Variants in NECAB2 observed in about 807,000 individuals in gnomAD.
NECAB2 encodes the protein N-terminal EF-hand calcium-binding protein 2.
Under a neutral mutation model 51.9 loss-of-function variants are expected in NECAB2, and 68 were observed. The observed-to-expected ratio is 1.31, with a 90% CI of 1.08 to 1.60. NECAB2 has a LOEUF of 1.60. Among genes scored for constraint, NECAB2 ranks in the 40% most tolerant of loss-of-function variants. The probability of loss-of-function intolerance (pLI) is 0.00; values close to 1 mark genes in which losing one functional copy is unlikely to be tolerated. For synonymous variants in NECAB2, 329 were observed against 203.5 expected, an observed-to-expected ratio of 1.62 and a Z score of -5.25; for missense variants, 854 against 490.3, an observed-to-expected ratio of 1.74 and a Z score of -7.00.
At chr16:84,002,184 G>A in intron 12 of NECAB2, 134 bp from the exon 13 acceptor site, 1 of 1,214,268 alleles carries the variant, frequency 8.2e-7, no homozygotes, top group Non-Finnish European at 1.2e-6. Context: ...TTGCACCTGG[G>A]TGACCAGCAA....
chr16:83,982,585 C>T (rs771094602), intron 5 of NECAB2, among the ~76,000 whole-genome samples: 1 of 152,148 alleles, frequency 6.6e-6, no homozygotes, highest in African/African-American at 2.4e-5. Context: ...CCTTGAGCCT[C>T]GGTTTTCTCA....
At chr16:83,994,520 C>G (rs970573158) in intron 7 of NECAB2, 89 bp from the exon 8 acceptor site, 3 of 1,595,110 alleles carry the variant, frequency 1.9e-6, no homozygotes, top group South Asian at 1.1e-5. Context: ...AAGTTTGATG[C>G]CCCTGGAGGG....
At chr16:83,999,823 A>ATGAGAGGACAAGT (rs1221722335) in intron 10 of NECAB2, among the ~76,000 whole-genome samples, 1 of 152,088 alleles carries the variant, frequency 6.6e-6, no homozygotes, top group East Asian at 1.9e-4. Flanking sequence ...CAAGGATTAA[A>ATGAGAGGACAAGT]TGAGAGGACA....
intron 5 of NECAB2, among the ~76,000 whole-genome samples, chr16:83,986,488 A>G (rs952247075): frequency 6.6e-6 from 1 of 152,188 alleles, no homozygotes; most frequent in Non-Finnish European, 1.5e-5. Flanking sequence ...TGCCCTGTGG[A>G]GAGTGCCAGA....
intron 2 of NECAB2, among the ~76,000 whole-genome samples, chr16:83,973,261 T>C (rs1181033866): frequency 6.6e-6 from 1 of 152,182 alleles, no homozygotes; most frequent in African/African-American, 2.4e-5. Context: ...GGGTGGCAGC[T>C]CTGGCCTGGG....
chr16:83,973,713 G>A (rs535929324), intron 2 of NECAB2, among the ~76,000 whole-genome samples: 5 of 152,160 alleles, frequency 3.3e-5, no homozygotes, highest in South Asian at 2.1e-4. Context: ...CCCTTGTCCC[G>A]GGCCTGATAC....
At chr16:83,993,002 G>C (rs2084645593) in intron 6 of NECAB2, among the ~76,000 whole-genome samples, 1 of 152,226 alleles carries the variant, frequency 6.6e-6, no homozygotes, top group Non-Finnish European at 1.5e-5. Context: ...CGCGTCAGCA[G>C]TTACACCCAC....
At position 83,968,627 on chromosome 16, in the gene NECAB2, C is replaced by T; in HGVS notation, c.-22C>T. On this transcript the variant is annotated 5_prime_UTR_variant, in exon 1 of 13. Coordinates refer to ENST00000305202, the MANE Select transcript of NECAB2 (RefSeq NM_019065.3). ...GGGCGGGGGTCGGCGGGCTTCCGGG[C>T]GGCGGCGGCGGGCGCGGCGCGATGT... 2.1e-6 allele frequency: 2 copies of T among 967,640 alleles called. No homozygotes were observed. The highest frequency in any genetic ancestry group is 2.4e-6 in the Non-Finnish European group (2 of 817,330). 59.9% of individuals were successfully genotyped at this position (967,640 alleles called of 1,614,324 possible). A position where few individuals can be genotyped will look rare whatever the true frequency, so the allele number is the denominator to read the frequency against.
chr16:83,968,926 C>T (rs2084319340), intron 1 of NECAB2, 77 bp downstream of exon 1: 1 of 940,998 alleles, frequency 1.1e-6, no homozygotes. Flanking sequence ...CGGGCGGACC[C>T]CGACGCCGCG....
chr16:83,990,952 C>G (rs1476646581), intron 6 of NECAB2, among the ~76,000 whole-genome samples: 2 of 152,134 alleles, frequency 1.3e-5, no homozygotes, highest in African/African-American at 4.8e-5. Context: ...TTATGCAGAA[C>G]TATTCTGTTG....
chr16:83,984,444 C>T (rs564155393), intron 5 of NECAB2, among the ~76,000 whole-genome samples: 54 of 152,032 alleles, frequency 3.6e-4, no homozygotes, highest in South Asian at 1.3e-3. Context: ...GATCTGCTGC[C>T]GCTCACGGTG....
chr16:83,998,021 C>A (rs796974158), intron 9 of NECAB2, among the ~76,000 whole-genome samples, 184 bp from the exon 10 acceptor site: 1 of 152,094 alleles, frequency 6.6e-6, no homozygotes, highest in Non-Finnish European at 1.5e-5. Flanking sequence ...GCACTGGGCT[C>A]TTGAGGTTCT....
At position 83,994,348 on chromosome 16, in the gene NECAB2, G is replaced by A. The variant is rs2084666485; in HGVS notation, c.643G>A (p.Gly215Arg). 6.2e-7 allele frequency: 1 copy of A among 1,614,076 alleles called. No individual in the cohort carries two copies. The highest frequency in any genetic ancestry group is 8.5e-7 in the Non-Finnish European group (1 of 1,180,046). The change falls in exon 7 of 13, where the codon GGA becomes AGA. Residue 215 changes from glycine (G) to arginine (R), a missense_variant. By Grantham distance (125) the Gly-to-Arg change is moderately radical (BLOSUM62 -2). Coordinates refer to ENST00000305202, the MANE Select transcript of NECAB2 (RefSeq NM_019065.3). ...PSHSAAQTWC[G>R]SPTPASAPNH... The stretch of plus-strand genomic sequence containing the variant: ...CCACAGCGCGGCACAGACCTGGTGT[G>A]GAAGCCCCACTCCCGCCTCTGCCCC...
intron 8 of NECAB2, among the ~76,000 whole-genome samples, chr16:83,995,098 A>C (rs1276321652): frequency 6.6e-6 from 1 of 152,256 alleles, no homozygotes; most frequent in Admixed American, 6.5e-5. Context: ...GAGAGTTTCA[A>C]AACAAGGAAG....
At chr16:83,973,555 C>T (rs902411806) in intron 2 of NECAB2, among the ~76,000 whole-genome samples, 7 of 152,130 alleles carry the variant, frequency 4.6e-5, no homozygotes, top group African/African-American at 7.2e-5. Flanking sequence ...GAAAAACAGC[C>T]GTAGCATCAT....
Position 83,968,709 on chromosome 16 carries a change from C to G in NECAB2, c.61C>G (p.Pro21Ala), listed in dbSNP as rs1315159315. 143 of 1,008,792 alleles carry G rather than the reference C, an allele frequency of 1.4e-4. No homozygotes were observed. Among genetic ancestry groups the G allele is most frequent in the Non-Finnish European group, 1.5e-4 (129 of 847,538 alleles). 62.5% of individuals were successfully genotyped at this position (1,008,792 alleles called of 1,614,324 possible). The change falls in exon 1 of 13, where the codon CCG (proline) becomes GCG (alanine). Residue 21 changes from proline to alanine, a missense_variant. By Grantham distance (27) the Pro-to-Ala change is conservative. Transcript: ENST00000305202. The part of the protein sequence containing the change: ...AGAHRLLREP[P>A]QQGRALGGLL... Reference sequence around the variant, plus strand: ...CGCGCACAGGCTGCTCCGGGAGCCGCCGCAGCAGGGCCGGGCGCTGGGCGG... The same window carrying G: ...CGCGCACAGGCTGCTCCGGGAGCCGGCGCAGCAGGGCCGGGCGCTGGGCGG...
chr16:83,968,820 C>A lies in NECAB2; in HGVS notation c.172C>A (p.Pro58Thr). 8.9e-7 allele frequency: 1 copy of A among 1,127,466 alleles called. No homozygotes were observed. Among genetic ancestry groups the A allele is most frequent in the East Asian group, 4.7e-5 (1 of 21,208 alleles). The allele number at this position is 1,127,466 out of a possible 1,614,324, so 69.8% of individuals were successfully genotyped here. A position where few individuals can be genotyped will look rare whatever the true frequency, so the allele number is the denominator to read the frequency against. ...AAPADPGPAS[P>T]RGGTAVILDI... is the part of the protein sequence containing the mutation. ...CCCCGCGGACCCCGGCCCAGCCTCGCCGCGCGGGGGCACCGCCGTCATCCT... is the reference window on the plus strand; with the variant it reads ...CCCCGCGGACCCCGGCCCAGCCTCGACGCGCGGGGGCACCGCCGTCATCCT... Residue 58 changes from proline (P) to threonine (T), a missense_variant, in exon 1 of 13, where the codon CCG becomes ACG. Physicochemically the swap from Pro to Thr is conservative, Grantham distance 38 (BLOSUM62 -1). Transcript: ENST00000305202.
chr16:83,999,360 G>A (rs2084775890), intron 10 of NECAB2, among the ~76,000 whole-genome samples: 1 of 152,216 alleles, frequency 6.6e-6, no homozygotes, highest in Non-Finnish European at 1.5e-5. Flanking sequence ...ATAAGTGGGA[G>A]GCTCCAGGGT....
chr16:83,999,016 C>T (rs888437801), intron 10 of NECAB2, among the ~76,000 whole-genome samples: 1 of 152,180 alleles, frequency 6.6e-6, no homozygotes, highest in African/African-American at 2.4e-5. Context: ...CAACTCCCTT[C>T]CCAGGGCTTT....
Sources: gnomAD v4.1 joint callset for allele counts (sites outside exome capture counted in the v4.1 genomes callset) on GRCh38, gnomAD v4.1.1 for gene constraint, MANE v1.5 for transcripts, NCBI Gene and HGNC (gene_info 2026-07-23, HGNC 2026-07-21) for gene names.